SLC35F6: variants seen among roughly 807,000 people sequenced by gnomAD.
SLC35F6 encodes ANT2-binding protein.
SLC35F6 carries 26 observed loss-of-function variants against 29.4 expected under a neutral mutation model. The ratio of observed to expected loss-of-function variants is 0.89; its 90% CI spans 0.65 to 1.23. The LOEUF is 1.23. SLC35F6 is among the 50% of genes most tolerant of loss of function. The probability of loss-of-function intolerance (pLI) is 0.00; values close to 1 mark genes in which losing one functional copy is unlikely to be tolerated. For synonymous variants in SLC35F6, 174 were observed against 206.6 expected (o/e 0.84, Z 1.35); for missense variants, 428 against 487.8 (o/e 0.88, Z 1.15).
intron 1 of SLC35F6, among the ~76,000 whole-genome samples, chr2:26,771,837 C>T (rs1023744543): frequency 6.6e-6 from 1 of 151,992 alleles, no homozygotes; most frequent in African/African-American, 2.4e-5. Context: ...GACTCCAGCC[C>T]ATGAGGTCAG....
chr2:26,774,508 C>T (rs79072755), intron 2 of SLC35F6, among the ~76,000 whole-genome samples, 185 bp downstream of exon 2: 1,679 of 152,334 alleles, frequency 0.011, 36 homozygotes, highest in African/African-American at 0.038. Context: ...GCAAAGAGCA[C>T]CATCCTCTGC....
Position 26,776,485 on chromosome 2 carries a change from G to T in SLC35F6, c.646+3G>T. ...ACTGCGGGCAGTTGGCACTGAGGGTGTGTGTGGGCACAGGGGCCTGGAAGG... is the reference window on the plus strand; with the variant it reads ...ACTGCGGGCAGTTGGCACTGAGGGTTTGTGTGGGCACAGGGGCCTGGAAGG... On this transcript the variant is annotated splice_donor_region_variant and intron_variant, in intron 5 of 5. Coordinates refer to ENST00000344420, the MANE Select transcript of SLC35F6 (RefSeq NM_017877.4). 2 of 1,613,930 alleles carry T rather than the reference G, an allele frequency of 1.2e-6. No homozygotes were observed. Among genetic ancestry groups the T allele is most frequent in the Non-Finnish European group, 1.7e-6 (2 of 1,179,790 alleles).
Position 26,778,227 on chromosome 2 carries a change from T to G in SLC35F6, c.832T>G (p.Phe278Val). 1 of 1,614,150 alleles carries G rather than the reference T, an allele frequency of 6.2e-7. No individual in the cohort carries two copies. The highest frequency in any genetic ancestry group is 8.5e-7 in the Non-Finnish European group (1 of 1,180,008). The change falls in exon 6 of 6, where the codon TTC becomes GTC. Residue 278 changes from phenylalanine (F) to valine (V), a missense_variant. By Grantham distance (50) the Phe-to-Val change is conservative (BLOSUM62 -1). Coordinates refer to ENST00000344420, the MANE Select transcript of SLC35F6 (RefSeq NM_017877.4). ...GNISSIAFFNFAGISVTKELS... is the reference protein window; with the variant it reads ...GNISSIAFFNVAGISVTKELS... ...CATCAGCAGCATTGCCTTCTTCAAC[T>G]TCGCAGGCATCAGCGTCACCAAGGA... is the stretch of plus-strand genomic sequence containing the variant.
chr2:26,778,594 C>A lies in SLC35F6; in HGVS notation c.*83C>A. On this transcript the variant is annotated 3_prime_UTR_variant, in exon 6 of 6. Coordinates refer to ENST00000344420, the MANE Select transcript of SLC35F6 (RefSeq NM_017877.4). ...ACACAGGCTGGTGGGCCCCGAATGC[C>A]CTATCCCCAAGGCCTCACCCTGTCC... is the stretch of plus-strand genomic sequence containing the variant. 7.4e-7 allele frequency: 1 copy of A among 1,360,000 alleles called. No homozygotes were observed. Among genetic ancestry groups the A allele is most frequent in the Non-Finnish European group, 9.8e-7 (1 of 1,022,606 alleles). 84.2% of individuals were successfully genotyped at this position (1,360,000 alleles called of 1,614,324 possible). A position where few individuals can be genotyped will look rare whatever the true frequency, so the allele number is the denominator to read the frequency against.
At chr2:26,776,513 T>C (rs1572634743) in intron 5 of SLC35F6, 31 bp downstream of exon 5, 2 of 1,599,954 alleles carry the variant, frequency 1.3e-6, no homozygotes, top group Non-Finnish European at 1.7e-6. Context: ...CTGGAAGGAG[T>C]GGGGTAGAAG....
At chr2:26,772,096 G>T (rs1459712689) in intron 1 of SLC35F6, among the ~76,000 whole-genome samples, 1 of 152,160 alleles carries the variant, frequency 6.6e-6, no homozygotes, top group Non-Finnish European at 1.5e-5. Context: ...GGAGCTGGTG[G>T]GGTCTCTCAC....
intron 1 of SLC35F6, chr2:26,764,952 C>G: frequency 1.0e-6 from 1 of 985,418 alleles, no homozygotes; most frequent in Non-Finnish European, 1.2e-6. Flanking sequence ...GGAAAGTCTA[C>G]GGAAAGGCCA....
In SLC35F6 at chr2:26,764,381, C is replaced by A. The variant is rs1222327488; in HGVS notation, c.32C>A (p.Ala11Asp). 3.9e-6 allele frequency: 6 copies of A among 1,551,050 alleles called. No homozygotes were observed. In the South Asian group the frequency reaches 7.1e-5, roughly 18 times the overall value. The change falls in exon 1 of 6, where the codon GCC (alanine) becomes GAC (aspartate). Residue 11 changes from alanine to aspartate, a missense_variant. Physicochemically the swap from Ala to Asp is moderately radical, Grantham distance 126. Coordinates refer to ENST00000344420, the MANE Select transcript of SLC35F6 (RefSeq NM_017877.4). MAWTKYQLFLAGLMLVTGSIN... is the reference protein window; with the variant it reads MAWTKYQLFLDGLMLVTGSIN... ...TGGACCAAGTACCAGCTGTTCCTGG[C>A]CGGGCTCATGCTTGTTACCGGCTCC...
chr2:26,770,749 A>G (rs1664183390), intron 1 of SLC35F6, among the ~76,000 whole-genome samples: 1 of 152,094 alleles, frequency 6.6e-6, no homozygotes, highest in Non-Finnish European at 1.5e-5. Context: ...AACAAAAGAC[A>G]ACAAACAACA....
chr2:26,769,494 G>T (rs1463654479), intron 1 of SLC35F6, among the ~76,000 whole-genome samples: 2 of 152,256 alleles, frequency 1.3e-5, no homozygotes, highest in Non-Finnish European at 1.5e-5. Context: ...TCAGGGAGGG[G>T]GCGCATGACT....
At chr2:26,774,979 A>G (rs1384851226) in intron 2 of SLC35F6, 65 bp from the exon 3 acceptor site, 10 of 1,498,676 alleles carry the variant, frequency 6.7e-6, no homozygotes, top group Non-Finnish European at 8.9e-6. Context: ...CATTAAAAAA[A>G]ATAGTTAAAG....
At chr2:26,770,763 G>A (rs371586612) in intron 1 of SLC35F6, among the ~76,000 whole-genome samples, 8 of 152,102 alleles carry the variant, frequency 5.3e-5, no homozygotes, top group African/African-American at 1.9e-4. Context: ...AACAACAAAC[G>A]TTGTGAAGAA....
chr2:26,772,503 C>T (rs1197134571), intron 1 of SLC35F6, among the ~76,000 whole-genome samples: 1 of 152,228 alleles, frequency 6.6e-6, no homozygotes, highest in African/African-American at 2.4e-5. Flanking sequence ...TCAGTCAGCA[C>T]ATGATGTTAC....
In SLC35F6 at chr2:26,775,672, C is replaced by CGTTG; in HGVS notation, c.531_532insGTTG (p.Thr178ValfsTer39). On this transcript the variant is annotated frameshift_variant, in exon 4 of 6. Coordinates refer to ENST00000344420, the MANE Select transcript of SLC35F6 (RefSeq NM_017877.4). LOFTEE classifies it high-confidence loss of function. The surrounding 1 kb of genome is among the most constrained non-coding windows in gnomAD (Gnocchi z 4.6). ...GTCAGCACAAGCTCAGCGAAGTGATCACAGGTGCGGCCAGGGGCAGGGACA... is the reference window on the plus strand; with the variant it reads ...GTCAGCACAAGCTCAGCGAAGTGATCGTTGACAGGTGCGGCCAGGGGCAGGGACA... 6.4e-7 allele frequency: 1 copy of CGTTG among 1,573,806 alleles called. No homozygotes were observed.
At position 26,781,101 on chromosome 2, in the gene SLC35F6, G is replaced by C. The variant is rs1432683435; in HGVS notation, c.*2590G>C. On this transcript the variant is annotated 3_prime_UTR_variant, in exon 6 of 6. Coordinates refer to ENST00000344420, the MANE Select transcript of SLC35F6 (RefSeq NM_017877.4). Reference sequence around the variant, plus strand: ...GTCTAAAACCTGGGATCTTAAAAGTGTTATTTTGGCTTTTATTTTTTAAAA... The same window carrying C: ...GTCTAAAACCTGGGATCTTAAAAGTCTTATTTTGGCTTTTATTTTTTAAAA... The C allele has an allele frequency of 6.6e-6, 1 of 152,068 alleles. No individual in the cohort carries two copies. Among genetic ancestry groups the C allele is most frequent in the Non-Finnish European group, 1.5e-5 (1 of 68,020 alleles). 9.4% of individuals were successfully genotyped at this position (152,068 alleles called of 1,614,324 possible).
chr2:26,774,812 G>A (rs1400209028), intron 2 of SLC35F6, among the ~76,000 whole-genome samples: 2 of 152,112 alleles, frequency 1.3e-5, no homozygotes, highest in Non-Finnish European at 2.9e-5. Context: ...TAGATGGATG[G>A]TTTTCAGACA....
intron 1 of SLC35F6, among the ~76,000 whole-genome samples, chr2:26,770,376 C>T (rs1269126451): frequency 6.6e-6 from 1 of 152,098 alleles, no homozygotes; most frequent in Non-Finnish European, 1.5e-5. Context: ...CACTGCACTC[C>T]AGCCTCAGTG....
intron 5 of SLC35F6, among the ~76,000 whole-genome samples, chr2:26,777,760 G>GTGTGTGTGTGTGTGTCCA (rs571627377): frequency 3.4e-4 from 51 of 152,022 alleles, no homozygotes; most frequent in African/African-American, 1.2e-3. Context: ...GTGTGTGTGT[G>GTGTGTGTGTGTGTGTCCA]TGTCCATGAA....
intron 1 of SLC35F6, among the ~76,000 whole-genome samples, chr2:26,765,288 A>T (rs928610431): frequency 2.0e-5 from 3 of 152,180 alleles, no homozygotes; most frequent in Non-Finnish European, 4.4e-5. Context: ...ATTAACTCAG[A>T]CAGAGAGGGC....
Sources: gnomAD v4.1 joint callset for allele counts (sites outside exome capture counted in the v4.1 genomes callset) on GRCh38, gnomAD v4.1.1 for gene constraint, Gnocchi (gnomAD v3.1) non-coding constraint, MANE v1.5 for transcripts, NCBI Gene and HGNC (gene_info 2026-07-23, HGNC 2026-07-21) for gene names.